Variants in HERC4 observed in about 807,000 individuals in gnomAD.
HERC4 encodes the protein probable E3 ubiquitin-protein ligase HERC4.
Under a neutral mutation model 124.3 loss-of-function variants are expected in HERC4, and 28 were observed. That is an observed-to-expected ratio of 0.23 (90% CI 0.17 to 0.31). HERC4 has a LOEUF of 0.31. Ranked by LOEUF, HERC4 falls within the 10% of genes least tolerant of loss-of-function variation. The probability of loss-of-function intolerance (pLI) is 1.00; values close to 1 mark genes in which losing one functional copy is unlikely to be tolerated. For synonymous variants in HERC4, 407 were observed against 421.5 expected, an observed-to-expected ratio of 0.97 and a Z score of 0.42; for missense variants, 713 against 1,229.3, an observed-to-expected ratio of 0.58 and a Z score of 6.28.
chr10:68,053,108 C>T (rs1277711347), intron 3 of HERC4, among the ~76,000 whole-genome samples: 1 of 152,126 alleles, frequency 6.6e-6, no homozygotes, highest in Non-Finnish European at 1.5e-5. Context: ...TCAATTCTCA[C>T]TATCTGCAGT....
intron 23 of HERC4, among the ~76,000 whole-genome samples, chr10:67,925,942 C>G (rs556327840): frequency 6.6e-6 from 1 of 152,182 alleles, no homozygotes; most frequent in Non-Finnish European, 1.5e-5. Flanking sequence ...ATTCTGACTG[C>G]AACTTCATGA....
intron 19 of HERC4, among the ~76,000 whole-genome samples, chr10:67,945,987 C>T (rs1307675341): frequency 6.6e-6 from 1 of 152,014 alleles, no homozygotes; most frequent in African/African-American, 2.4e-5. Context: ...AATAGCTGGA[C>T]ACTGCTGGCT....
intron 15 of HERC4, among the ~76,000 whole-genome samples, chr10:67,986,404 G>A (rs1033477550): frequency 7.2e-5 from 11 of 152,158 alleles, no homozygotes; most frequent in Non-Finnish European, 4.4e-5. Flanking sequence ...CCAGGCTGGA[G>A]TGCAGTGGTA....
chr10:67,975,913 A>T lies in HERC4; in HGVS notation c.1807-9111T>A, dbSNP rs113749183. On this transcript the variant is annotated intron_variant, in intron 15 of 24. Transcript: ENST00000373700. The stretch of plus-strand genomic sequence containing the variant: ...AGTTATACTGCTATTACTAGCTTTC[A>T]AACAAAACAAAGACACCAAGTTTAC... Among the ~76,000 whole-genome samples the T allele has an allele frequency of 1.3e-5, 2 of 152,272 alleles. 1 individual carries two copies. Among genetic ancestry groups the T allele is most frequent in the African/African-American group, 4.8e-5 (2 of 41,550 alleles).
chr10:67,933,627 G>T (rs61857499), intron 22 of HERC4, among the ~76,000 whole-genome samples: 1 of 151,984 alleles, frequency 6.6e-6, no homozygotes, highest in Non-Finnish European at 1.5e-5. Context: ...TTAAAACAAG[G>T]ATATCTAGAA....
chr10:68,064,844 C>T (rs978172555), intron 3 of HERC4, among the ~76,000 whole-genome samples: 7 of 151,600 alleles, frequency 4.6e-5, no homozygotes, highest in Non-Finnish European at 8.8e-5. Flanking sequence ...TGGTGGCACA[C>T]GTCTGTAATC....
intron 21 of HERC4, 39 bp from the exon 22 acceptor site, chr10:67,936,274 T>A (rs1564925243): frequency 1.7e-6 from 2 of 1,169,008 alleles, no homozygotes; most frequent in Non-Finnish European, 2.5e-6. Context: ...AATGTCAGAC[T>A]CAAAACTTAT....
intron 15 of HERC4, among the ~76,000 whole-genome samples, chr10:67,980,642 C>G (rs921301996): frequency 2.0e-5 from 3 of 152,138 alleles, no homozygotes; most frequent in Non-Finnish European, 4.4e-5. Flanking sequence ...GTAAACTACT[C>G]TTAAGTAGAG....
At chr10:68,059,843 T>TATTATATATCATA (rs1564609898) in intron 3 of HERC4, among the ~76,000 whole-genome samples, 2 of 26,308 alleles carry the variant, frequency 7.6e-5, no homozygotes, top group African/African-American at 8.6e-4. Flanking sequence ...TATATTATAA[T>TATTATATATCATA]ATATTATATA....
intron 3 of HERC4, chr10:68,070,339 G>A (rs1195552124): frequency 3.2e-6 from 3 of 933,256 alleles, no homozygotes; most frequent in Non-Finnish European, 3.8e-6. Context: ...AGGAGCAGTG[G>A]CTCATGCCTG....
At chr10:67,927,658 C>T (rs1042502574) in intron 23 of HERC4, among the ~76,000 whole-genome samples, 1 of 151,768 alleles carries the variant, frequency 6.6e-6, no homozygotes, top group Non-Finnish European at 1.5e-5. Context: ...ATCTTCTGAC[C>T]TCGTGATCCG....
intron 8 of HERC4, among the ~76,000 whole-genome samples, chr10:68,016,016 T>A (rs758907780): frequency 3.3e-5 from 5 of 151,986 alleles, no homozygotes; most frequent in Non-Finnish European, 1.5e-5. Flanking sequence ...GGCAGGAGGA[T>A]CACTTGAACC....
At chr10:68,040,204 T>A in intron 4 of HERC4, 1 of 982,660 alleles carries the variant, frequency 1.0e-6, no homozygotes. Context: ...ACTCAGTTAC[T>A]CTCCTTTCCA....
chr10:68,058,967 T>A (rs970214935), intron 3 of HERC4, among the ~76,000 whole-genome samples: 1 of 152,160 alleles, frequency 6.6e-6, no homozygotes, highest in African/African-American at 2.4e-5. Context: ...ACACCAACAG[T>A]TACCAATGTT....
intron 3 of HERC4, chr10:68,070,587 CAA>C (rs1418394977): frequency 6.7e-6 from 1 of 150,252 alleles, no homozygotes; most frequent in Non-Finnish European, 1.5e-5. Context: ...GCCTGGGAAA[CAA>C]GAGCGAAACT....
At chr10:67,927,608 T>C (rs2031274930) in intron 23 of HERC4, among the ~76,000 whole-genome samples, 1 of 151,332 alleles carries the variant, frequency 6.6e-6, no homozygotes, top group Non-Finnish European at 1.5e-5. Flanking sequence ...GTATTTTTAG[T>C]AGAGACGGGG....
At chr10:68,005,552 G>A (rs2037489730) in intron 9 of HERC4, among the ~76,000 whole-genome samples, 1 of 151,962 alleles carries the variant, frequency 6.6e-6, no homozygotes, top group South Asian at 2.1e-4. Flanking sequence ...TTATTAATAA[G>A]GACTTACTCC....
At chr10:67,929,345 T>C (rs117045979) in intron 23 of HERC4, among the ~76,000 whole-genome samples, 14,644 of 152,238 alleles carry the variant, frequency 0.096, 906 homozygotes, top group Middle Eastern at 0.18. Flanking sequence ...ATGCCTCTTG[T>C]GCTACCTCCT....
At chr10:68,023,747 G>A (rs501169) in intron 8 of HERC4, among the ~76,000 whole-genome samples, 4,980 of 152,044 alleles carry the variant, frequency 0.033, 272 homozygotes, top group African/African-American at 0.11. Context: ...TGGTGCTAGG[G>A]TAATTGACTA....
Sources: allele counts gnomAD v4.1 joint callset (sites outside exome capture counted in the v4.1 genomes callset), GRCh38; gene constraint gnomAD v4.1.1; transcripts MANE v1.5; gene names NCBI Gene and HGNC (gene_info 2026-07-23, HGNC 2026-07-21).